The following PCGF2 variants were observed in gnomAD, a reference collection of about 807,000 sequenced individuals.
PCGF2 encodes the protein polycomb group ring finger 2.
In PCGF2, 8 loss-of-function variants were observed where a neutral mutation model predicts 36.1. That is an observed-to-expected ratio of 0.22 (90% CI 0.13 to 0.40). The LOEUF (loss-of-function observed/expected upper bound fraction) is 0.40. Among genes scored for constraint, PCGF2 ranks in the 10% least tolerant of loss-of-function variants. PCGF2 has a pLI of 1.00. For missense variants in PCGF2, 436 were observed against 475.9 expected (o/e 0.92, Z 0.78); for synonymous variants, 198 against 191.2 (o/e 1.04, Z -0.29).
intron 2 of PCGF2, among the ~76,000 whole-genome samples, chr17:38,740,824 C>A (rs576487077): frequency 5.1e-4 from 78 of 152,186 alleles, no homozygotes; most frequent in Non-Finnish European, 8.8e-5. Flanking sequence ...TCCACACCTC[C>A]CCCCACCAGC....
At position 38,739,009 on chromosome 17, in the gene PCGF2, C is replaced by T. The variant is rs1906987960; in HGVS notation, c.316+59G>A. ...GGTCAGAGGGTGAGGGGTAGCGCTACACACCTACATGGTCCCAGGCAAGAC... is the reference window on the plus strand; with the variant it reads ...GGTCAGAGGGTGAGGGGTAGCGCTATACACCTACATGGTCCCAGGCAAGAC... On this transcript the variant is annotated intron_variant, in intron 6 of 10. Transcript: ENST00000620225. The surrounding 1 kb of genome is among the most constrained non-coding windows in gnomAD (Gnocchi z 4.0). 9 of 1,594,624 alleles carry T rather than the reference C, an allele frequency of 5.6e-6. No homozygotes were observed. The South Asian group carries it at 7.7e-5, about 14-fold the overall frequency.
chr17:38,735,285 A>C lies in PCGF2; in HGVS notation c.973T>G (p.Ser325Ala). ...GGSLNCLQTP[S>A]STSRGRKMTV... is the part of the protein sequence containing the mutation. ...ATCTTGCGCCCCCTGCTGGTGGAGG[A>C]TGGTGTCTGCAGGCAGTTCAAGCTA... The change falls in exon 11 of 11, where the codon TCC becomes GCC. Residue 325 changes from serine (S) to alanine (A), a missense_variant. Transcript: ENST00000620225. 1 of 1,485,688 alleles carries C rather than the reference A, an allele frequency of 6.7e-7. No homozygotes were observed. The highest frequency in any genetic ancestry group is 9.0e-7 in the Non-Finnish European group (1 of 1,107,096). 92.0% of individuals were successfully genotyped at this position (1,485,688 alleles called of 1,614,324 possible). A position where few individuals can be genotyped will look rare whatever the true frequency, so the allele number is the denominator to read the frequency against.
At chr17:38,749,710 C>T, upstream of PCGF2, 1 of 455,790 alleles carries the variant, frequency 2.2e-6, no homozygotes, top group Non-Finnish European at 4.4e-6. This position sits in a 1 kb window ranked among gnomAD's most constrained non-coding sequence, Gnocchi z 6.5. Flanking sequence ...GCAGCCAAGG[C>T]AGCCGCGAAG....
rs1470543442 is a variant in PCGF2, at chr17:38,739,256, G to A, written c.210-3C>T. ...TGTCTTGAAGTGTTTTGTCAGACCT[G>A]GGGAAAAATGGACAGGGCTTATCAG... On this transcript the variant is annotated splice_polypyrimidine_tract_variant and splice_region_variant and intron_variant, in intron 4 of 10. Transcript: ENST00000620225. The surrounding 1 kb of genome is among the most constrained non-coding windows in gnomAD (Gnocchi z 4.0). The A allele has an allele frequency of 6.2e-7, 1 of 1,613,534 alleles. No homozygotes were observed. The highest frequency in any genetic ancestry group is 1.7e-5 in the Admixed American group (1 of 60,018).
At chr17:38,740,038 A>G (rs1335458324) in intron 3 of PCGF2, among the ~76,000 whole-genome samples, 1 of 152,246 alleles carries the variant, frequency 6.6e-6, no homozygotes, top group Non-Finnish European at 1.5e-5. Context: ...TCTTCAGGGC[A>G]TAAAATTTCA....
chr17:38,735,989 G>A (rs1172843307), intron 10 of PCGF2, 101 bp downstream of exon 10: 2 of 827,530 alleles, frequency 2.4e-6, no homozygotes, highest in African/African-American at 3.4e-5. Flanking sequence ...TGGGATAAGG[G>A]ACAGACTGTC....
rs1598012147 is a variant in PCGF2 at position 38,735,613 on chromosome 17, T to G, written c.658-13A>C. 17 of 1,522,746 alleles carry G rather than the reference T, an allele frequency of 1.1e-5. No individual in the cohort carries two copies. Among genetic ancestry groups the G allele is most frequent in the African/African-American group, 1.0e-4 (7 of 70,114 alleles). The allele number at this position is 1,522,746 out of a possible 1,614,324, so 94.3% of individuals were successfully genotyped here. A position where few individuals can be genotyped will look rare whatever the true frequency, so the allele number is the denominator to read the frequency against. The stretch of plus-strand genomic sequence containing the variant: ...GGAGAGGCCCGTTCTGCGGGGAGAG[T>G]GGGGAGGAGAGACACAGGGAAGGGG... On this transcript the variant is annotated splice_polypyrimidine_tract_variant and intron_variant, in intron 10 of 10. Coordinates refer to ENST00000620225, the MANE Select transcript of PCGF2 (RefSeq NM_007144.3).
chr17:38,735,692 GTCC>G, intron 10 of PCGF2, 92 bp from the exon 11 acceptor site: 5 of 1,431,276 alleles, frequency 3.5e-6, no homozygotes, highest in Admixed American at 2.6e-5. Context: ...ACCCCACAGT[GTCC>G]AAACTCGAAA....
Position 38,735,219 on chromosome 17 carries a change from G to T in PCGF2, c.*4C>A. On this transcript the variant is annotated 3_prime_UTR_variant, in exon 11 of 11. Transcript: ENST00000620225. ...GGCTGGAAGAAGGGAGAGGGTCCCT[G>T]GCCTCAAGTTAAGGGGGGCACGGGA... 7.1e-7 allele frequency: 1 copy of T among 1,411,356 alleles called. No homozygotes were observed. The highest frequency in any genetic ancestry group is 1.6e-5 in the South Asian group (1 of 61,732). 87.4% of individuals were successfully genotyped at this position (1,411,356 alleles called of 1,614,324 possible).
intron 2 of PCGF2, among the ~76,000 whole-genome samples, chr17:38,745,197 T>C (rs1469392137): frequency 6.6e-6 from 1 of 152,202 alleles, no homozygotes; most frequent in Admixed American, 6.5e-5. Context: ...TTGGGTGTGG[T>C]GGCACGCGCC....
intron 2 of PCGF2, among the ~76,000 whole-genome samples, chr17:38,741,257 C>T (rs1432355001): frequency 1.3e-5 from 2 of 151,344 alleles, no homozygotes; most frequent in African/African-American, 2.4e-5. Context: ...GGCGACAGAG[C>T]GAGACTCTGT....
chr17:38,737,112 G>A (rs1906823394), intron 9 of PCGF2, among the ~76,000 whole-genome samples: 2 of 151,886 alleles, frequency 1.3e-5, no homozygotes, highest in Non-Finnish European at 2.9e-5. Context: ...TCCAGCCTGG[G>A]CAACAAGAGC....
upstream of PCGF2, chr17:38,749,511 G>A (rs1372630140): frequency 2.4e-6 from 1 of 421,888 alleles, no homozygotes; most frequent in South Asian, 1.6e-5. The surrounding 1 kb of genome is among the most constrained non-coding windows in gnomAD (Gnocchi z 6.5). Context: ...CATGAGGATG[G>A]TCGATTCCCT....
rs532545941 is a variant in PCGF2, at chr17:38,739,525, G to A, written c.209+61C>T. Reference sequence around the variant, plus strand: ...TGGCTGAAGGAAGCACGGAGCGTGGGAGGGATGGGGGAGGCTGACCCAGAG... The same window carrying A: ...TGGCTGAAGGAAGCACGGAGCGTGGAAGGGATGGGGGAGGCTGACCCAGAG... On this transcript the variant is annotated intron_variant, in intron 4 of 10. Coordinates refer to ENST00000620225, the MANE Select transcript of PCGF2 (RefSeq NM_007144.3). The surrounding 1 kb of genome is among the most constrained non-coding windows in gnomAD (Gnocchi z 4.0). The A allele has an allele frequency of 9.7e-4, 1,258 of 1,298,540 alleles. 4 individuals are homozygous for A. Among genetic ancestry groups the A allele is most frequent in the Middle Eastern group, 2.3e-3 (12 of 5,140 alleles). 80.4% of individuals were successfully genotyped at this position (1,298,540 alleles called of 1,614,324 possible).
intron 2 of PCGF2, among the ~76,000 whole-genome samples, chr17:38,742,187 G>A (rs980093343): frequency 6.6e-6 from 1 of 152,218 alleles, no homozygotes; most frequent in African/African-American, 2.4e-5. Context: ...GCACCTGGAA[G>A]GGACAGCAGC....
At chr17:38,742,155 G>A (rs764643372) in intron 2 of PCGF2, among the ~76,000 whole-genome samples, 1 of 152,146 alleles carries the variant, frequency 6.6e-6, no homozygotes, top group Non-Finnish European at 1.5e-5. Context: ...TTCCTTCTTG[G>A]TAAAGAAATC....
At chr17:38,743,804 C>T (rs1004567694) in intron 2 of PCGF2, among the ~76,000 whole-genome samples, 4 of 152,090 alleles carry the variant, frequency 2.6e-5, no homozygotes, top group Admixed American at 6.6e-5. Context: ...CCCCAGGCCG[C>T]GAATTCCTGA....
At position 38,739,038 on chromosome 17, in the gene PCGF2, GCA is replaced by G. The variant is rs1276258614; in HGVS notation, c.316+28_316+29del. On this transcript the variant is annotated intron_variant, in intron 6 of 10. Coordinates refer to ENST00000620225, the MANE Select transcript of PCGF2 (RefSeq NM_007144.3). The surrounding 1 kb of genome is among the most constrained non-coding windows in gnomAD (Gnocchi z 4.0). ...CCTACATGGTCCCAGGCAAGACTGTGCACACACAAACAGACGCGAGCACACTC... is the reference window on the plus strand; with the variant it reads ...CCTACATGGTCCCAGGCAAGACTGTGCACACAAACAGACGCGAGCACACTC... The G allele has an allele frequency of 2.7e-5, 44 of 1,610,964 alleles. No individual in the cohort carries two copies. The highest frequency in any genetic ancestry group is 3.6e-5 in the Non-Finnish European group (43 of 1,178,880).
chr17:38,739,468 C>T lies in PCGF2; in HGVS notation c.209+118G>A, dbSNP rs1021109571. 8 of 948,934 alleles carry T rather than the reference C, an allele frequency of 8.4e-6. No individual in the cohort carries two copies. In the Admixed American group the frequency reaches 1.4e-4, roughly 17 times the overall value. The allele number at this position is 948,934 out of a possible 1,614,324, so 58.8% of individuals were successfully genotyped here. ...CCAAGGTCGGGGAGTAGCCCAGGTC[C>T]ACACCCCATGCTTCTCCTACACCTG... is the stretch of plus-strand genomic sequence containing the variant. On this transcript the variant is annotated intron_variant, in intron 4 of 10. Coordinates refer to ENST00000620225, the MANE Select transcript of PCGF2 (RefSeq NM_007144.3). The surrounding 1 kb of genome is among the most constrained non-coding windows in gnomAD (Gnocchi z 4.0).
Sources: gnomAD v4.1 joint callset for allele counts (sites outside exome capture counted in the v4.1 genomes callset) on GRCh38, gnomAD v4.1.1 for gene constraint, Gnocchi (gnomAD v3.1) non-coding constraint, MANE v1.5 for transcripts, NCBI Gene and HGNC (gene_info 2026-07-23, HGNC 2026-07-21) for gene names.